RXRG: variants seen among roughly 807,000 people sequenced by gnomAD.
RXRG encodes retinoic acid receptor RXR-gamma.
Under a neutral mutation model 49.2 loss-of-function variants are expected in RXRG, and 19 were observed. The ratio of observed to expected loss-of-function variants is 0.39; its 90% CI spans 0.27 to 0.57. The LOEUF is 0.57. Among genes scored for constraint, RXRG ranks in the 20% least tolerant of loss-of-function variants. The pLI is 0.64. For synonymous variants in RXRG, 224 were observed against 216.6 expected (o/e 1.03, Z -0.30); for missense variants, 452 against 592.5 (o/e 0.76, Z 2.46).
chr1:165,428,543 C>T (rs928012556), intron 2 of RXRG, among the ~76,000 whole-genome samples, 176 bp downstream of exon 2: 1 of 152,216 alleles, frequency 6.6e-6, no homozygotes, highest in African/African-American at 2.4e-5. Context: ...TTCAGGACTG[C>T]TCAGCCTGAG....
At chr1:165,435,094 C>G (rs1453209263) in intron 1 of RXRG, among the ~76,000 whole-genome samples, 1 of 152,210 alleles carries the variant, frequency 6.6e-6, no homozygotes, top group Non-Finnish European at 1.5e-5. Context: ...ACTGACATGA[C>G]TCTCAAAAGA....
chr1:165,403,411 A>AT (rs1160200039), intron 9 of RXRG, among the ~76,000 whole-genome samples: 3 of 152,250 alleles, frequency 2.0e-5, no homozygotes, highest in African/African-American at 7.2e-5. Context: ...ACAAATTAGA[A>AT]TTTCAATGTT....
intron 4 of RXRG, among the ~76,000 whole-genome samples, chr1:165,414,610 G>GA (rs1470303653): frequency 2.0e-5 from 3 of 152,098 alleles, no homozygotes; most frequent in Admixed American, 6.5e-5. Context: ...TTTTAGGAGG[G>GA]AAAAAAATGA....
intron 7 of RXRG, 39 bp from the exon 8 acceptor site, chr1:165,408,357 AGTAACAGG>A: frequency 6.9e-7 from 1 of 1,443,354 alleles, no homozygotes; most frequent in Non-Finnish European, 9.8e-7. Flanking sequence ...GAAAACCGTA[AGTAACAGG>A]CCAAGAGCCA....
intron 2 of RXRG, among the ~76,000 whole-genome samples, chr1:165,428,164 A>C (rs1041400142): frequency 1.3e-5 from 2 of 152,214 alleles, no homozygotes; most frequent in Non-Finnish European, 1.5e-5. Flanking sequence ...CTTCTCCTCC[A>C]TCATAGCAGA....
intron 9 of RXRG, among the ~76,000 whole-genome samples, chr1:165,403,212 C>T (rs1657642556): frequency 6.6e-6 from 1 of 152,198 alleles, no homozygotes; most frequent in African/African-American, 2.4e-5. Flanking sequence ...GTGTGACCCT[C>T]TGTGCACAGT....
At chr1:165,429,233 C>T (rs1187396253) in intron 1 of RXRG, among the ~76,000 whole-genome samples, 3 of 152,156 alleles carry the variant, frequency 2.0e-5, no homozygotes, top group African/African-American at 7.2e-5. Flanking sequence ...CTGGACTATG[C>T]TGGATCCACA....
chr1:165,422,843 C>A (rs1437684761), intron 2 of RXRG, among the ~76,000 whole-genome samples: 1 of 152,134 alleles, frequency 6.6e-6, no homozygotes, highest in African/African-American at 2.4e-5. Flanking sequence ...GGTACCTTAC[C>A]AGGTCTGACT....
At chr1:165,431,002 T>A (rs1202442912) in intron 1 of RXRG, among the ~76,000 whole-genome samples, 1 of 152,264 alleles carries the variant, frequency 6.6e-6, no homozygotes, top group African/African-American at 2.4e-5. Flanking sequence ...TGTCTGTTCC[T>A]ACTTGTATCT....
At chr1:165,437,158 T>C in intron 1 of RXRG, 5 of 1,367,774 alleles carry the variant, frequency 3.7e-6, no homozygotes, top group Non-Finnish European at 4.9e-6. Context: ...TTCACAGCCC[T>C]AGCGATGTGG....
Position 165,409,540 on chromosome 1 carries a change from G to A in RXRG, c.1046+18C>T. 1 of 1,445,004 alleles carries A rather than the reference G, an allele frequency of 6.9e-7. No homozygotes were observed. 89.5% of individuals were successfully genotyped at this position (1,445,004 alleles called of 1,614,324 possible). ...ACACACATAATACACACAAATACTG[G>A]AAGCAGGAGAGAGACACCTGTCAAA... On this transcript the variant is annotated intron_variant, in intron 7 of 9. Transcript: ENST00000359842.
chr1:165,404,605 C>T (rs1485826477), intron 9 of RXRG, among the ~76,000 whole-genome samples: 1 of 152,110 alleles, frequency 6.6e-6, no homozygotes, highest in Admixed American at 6.5e-5. Flanking sequence ...ATACACCAAA[C>T]TGTATAATTT....
Position 165,417,095 on chromosome 1 carries a change from G to A in RXRG, c.568C>T (p.Arg190Cys). 1 of 1,614,164 alleles carries A rather than the reference G, an allele frequency of 6.2e-7. No homozygotes were observed. The highest frequency in any genetic ancestry group is 1.6e-4 in the Middle Eastern group (1 of 6,062). Residue 190 changes from arginine to cysteine, a missense_variant, in exon 4 of 10, where the codon CGC becomes TGC. Transcript: ENST00000359842. ...TTCTGATAGCGACAGTACTGGCAGC[G>A]GTTGCGCTGACGCTTGTCAATGAGG... Reference protein sequence around the residue: ...DCLIDKRQRNRCQYCRYQKCL... With the variant: ...DCLIDKRQRNCCQYCRYQKCL...
At chr1:165,410,250 T>C (rs752074633) in intron 6 of RXRG, among the ~76,000 whole-genome samples, 22 of 152,144 alleles carry the variant, frequency 1.4e-4, no homozygotes, top group Non-Finnish European at 2.9e-4. Flanking sequence ...ATATGGCATA[T>C]GTCAACGGCC....
rs2101723532 is a variant in RXRG, at chr1:165,420,008, C to T, written c.304G>A (p.Val102Met). The T allele has an allele frequency of 6.3e-7, 1 of 1,594,182 alleles. No homozygotes were observed. The highest frequency in any genetic ancestry group is 8.6e-7 in the Non-Finnish European group (1 of 1,169,008). The change falls in exon 3 of 10, where the codon GTG becomes ATG. Residue 102 changes from valine to methionine, a missense_variant. By Grantham distance (21) the Val-to-Met change is conservative. Transcript: ENST00000359842. ...LVAPPSSQLN[V>M]VNSVSSSEDI... is the part of the protein sequence containing the mutation. ...TCTGAACTGCTGACACTGTTGACCA[C>T]ATTTAGCTGCAAGAGAAAAAAATAC... is the stretch of plus-strand genomic sequence containing the variant.
chr1:165,414,242 T>C (rs1309988424), intron 4 of RXRG, among the ~76,000 whole-genome samples: 1 of 152,244 alleles, frequency 6.6e-6, no homozygotes, highest in Non-Finnish European at 1.5e-5. Context: ...AGCTTTTCAC[T>C]ATTCTTTCTG....
chr1:165,427,402 ATGTTTTGTTT>A (rs67818708), intron 2 of RXRG, among the ~76,000 whole-genome samples: 10,868 of 149,522 alleles, frequency 0.073, 454 homozygotes, highest in African/African-American at 0.1. Flanking sequence ...AATCTGTCAT[ATGTTTTGTTT>A]TGTTTTGTTT....
chr1:165,406,990 C>CCG (rs111545739), intron 8 of RXRG, 73 bp from the exon 9 acceptor site: 736,036 of 1,061,920 alleles, frequency 0.69, 259,431 homozygotes, highest in African/African-American at 0.85. Context: ...TCTCTGGCCA[C>CCG]TCTCTGTAGA....
At position 165,419,864 on chromosome 1, in the gene RXRG, A is replaced by G. The variant is rs755724732; in HGVS notation, c.442+6T>C. ...CTTTTCAGGGAGTGTCTGCTTCTGC[A>G]TGTACCTGAGGATCTGTCTCCACAG... On this transcript the variant is annotated splice_donor_region_variant and intron_variant, in intron 3 of 9. Transcript: ENST00000359842. 3 of 1,602,324 alleles carry G rather than the reference A, an allele frequency of 1.9e-6. No homozygotes were observed. The highest frequency in any genetic ancestry group is 1.1e-5 in the South Asian group (1 of 89,244).
Sources: allele counts gnomAD v4.1 joint callset (sites outside exome capture counted in the v4.1 genomes callset), GRCh38; gene constraint gnomAD v4.1.1; transcripts MANE v1.5; gene names NCBI Gene and HGNC (gene_info 2026-07-23, HGNC 2026-07-21).